Variants in ZNF846 observed in about 807,000 individuals in gnomAD.
ZNF846 encodes zinc finger protein 846.
A neutral mutation model predicts 16.0 loss-of-function variants in ZNF846; 15 were observed. The ratio of observed to expected loss-of-function variants is 0.94; its 90% CI spans 0.63 to 1.45. The LOEUF is 1.45. Ranked by LOEUF, ZNF846 falls within the 40% of genes most tolerant of loss-of-function variation. The probability of loss-of-function intolerance (pLI) is 0.00; values close to 1 mark genes in which losing one functional copy is unlikely to be tolerated. For synonymous variants in ZNF846, 229 were observed against 212.0 expected, an observed-to-expected ratio of 1.08 and a Z score of -0.70; for missense variants, 714 against 622.3, an observed-to-expected ratio of 1.15 and a Z score of -1.57.
chr19:9,760,432 G>A (rs2045206229), intron 4 of ZNF846, among the ~76,000 whole-genome samples: 1 of 151,536 alleles, frequency 6.6e-6, no homozygotes, highest in East Asian at 1.9e-4. Context: ...TGGGTGTGGT[G>A]GTTCATGCCT....
chr19:9,757,327 C>G (rs2045147070), downstream of ZNF846: 1 of 646,098 alleles, frequency 1.5e-6, no homozygotes, highest in Non-Finnish European at 2.6e-6. Flanking sequence ...CTTGCCTATT[C>G]CTTATATCAC....
upstream of ZNF846, among the ~76,000 whole-genome samples, chr19:9,773,509 C>T (rs776757441): frequency 1.6e-4 from 25 of 152,072 alleles, no homozygotes; most frequent in Non-Finnish European, 2.6e-4. Flanking sequence ...CAGCTGGGCA[C>T]GGTGGCTCAC....
chr19:9,757,840 C>T, exon 6 of ZNF846: 1 of 1,612,832 alleles, frequency 6.2e-7, no homozygotes, highest in Non-Finnish European at 8.5e-7. Context: ...TGAATCCTTA[C>T]ATGTTGACTA....
chr19:9,754,276 G>A (rs557453420), downstream of ZNF846, among the ~76,000 whole-genome samples: 10 of 151,346 alleles, frequency 6.6e-5, no homozygotes, highest in South Asian at 1.5e-3. Flanking sequence ...GATCTAAAGC[G>A]AAGGATGGCC....
At chr19:9,771,333 ATGCT>A (rs1413206018), upstream of ZNF846, among the ~76,000 whole-genome samples, 9 of 152,106 alleles carry the variant, frequency 5.9e-5, no homozygotes, top group African/African-American at 2.2e-4. Context: ...ATGCGCCACC[ATGCT>A]TGGCTAATTT....
At chr19:9,756,815 T>C (rs1184499571), downstream of ZNF846, 1 of 120,148 alleles carries the variant, frequency 8.3e-6, no homozygotes, top group East Asian at 2.0e-4. Context: ...GTGTTGATTA[T>C]GAAGTACTAT....
downstream of ZNF846, chr19:9,752,521 A>G: frequency 7.4e-6 from 2 of 269,704 alleles, no homozygotes; most frequent in South Asian, 6.7e-5. Flanking sequence ...AGGCTGAAGC[A>G]GGAGAATCAC....
At chr19:9,783,426 C>T (rs1439315137) in intron 1 of ZNF846, among the ~76,000 whole-genome samples, 3 of 147,358 alleles carry the variant, frequency 2.0e-5, no homozygotes, top group Non-Finnish European at 4.5e-5. Flanking sequence ...GACAGGGTTT[C>T]GCCATGTTGG....
downstream of ZNF846, chr19:9,757,390 C>T: frequency 9.0e-7 from 1 of 1,107,040 alleles, no homozygotes; most frequent in Non-Finnish European, 1.3e-6. Flanking sequence ...TATGGAAATT[C>T]AGTGAAGGTT....
intron 1 of ZNF846, chr19:9,774,508 C>A (rs898107751): frequency 2.7e-6 from 3 of 1,114,738 alleles, no homozygotes; most frequent in South Asian, 1.3e-5. Flanking sequence ...TGGCGGCCAG[C>A]AGGAGGCTGA....
rs773699955 is a variant in ZNF846 at position 9,757,918 on chromosome 19, TTC to T, written c.1157_1158del (p.Arg386AsnfsTer9). The T allele has an allele frequency of 2.9e-5, 46 of 1,613,556 alleles. 1 individual carries two copies. In the South Asian group the frequency reaches 3.5e-4, roughly 12 times the overall value. ...TCATAGGGCTTTTCTCCAGTATGTG[TTC>T]TCATGTGTAAAACAAGTCCTGAGGA... On this transcript the variant is annotated frameshift_variant, in exon 6 of 6. Coordinates refer to ENST00000397902, the Ensembl canonical transcript of ZNF846. LOFTEE classifies it low-confidence loss of function (END_TRUNC).
chr19:9,763,332 T>A, exon 3 of ZNF846: 1 of 1,611,226 alleles, frequency 6.2e-7, no homozygotes, highest in Non-Finnish European at 8.5e-7. Flanking sequence ...TCTGTAGAGA[T>A]CTCTCTGGGC....
exon 6 of ZNF846, chr19:9,758,282 T>C (rs1277417437): frequency 3.7e-6 from 6 of 1,613,026 alleles, no homozygotes; most frequent in Admixed American, 1.7e-5. Context: ...GTCCTGTGGA[T>C]TGAGTGAAAG....
upstream of ZNF846, among the ~76,000 whole-genome samples, chr19:9,772,933 G>A (rs970139232): frequency 2.6e-5 from 4 of 151,852 alleles, no homozygotes; most frequent in Admixed American, 6.6e-5. Context: ...AAAATTAGTC[G>A]TGTGTGATCT....
intron 2 of ZNF846, among the ~76,000 whole-genome samples, chr19:9,763,630 G>A (rs2084219394): frequency 6.6e-6 from 1 of 152,114 alleles, no homozygotes; most frequent in Non-Finnish European, 1.5e-5. Context: ...CTTTACAATG[G>A]GCTCTTCTGG....
At chr19:9,785,071 C>A (rs2045543936) in intron 1 of ZNF846, among the ~76,000 whole-genome samples, 1 of 152,166 alleles carries the variant, frequency 6.6e-6, no homozygotes, top group African/African-American at 2.4e-5. Context: ...TTCCCCCGCA[C>A]ATATACTGAC....
At chr19:9,758,031 T>G (rs1347655192) in exon 6 of ZNF846, 3 of 1,613,484 alleles carry the variant, frequency 1.9e-6, no homozygotes, top group Non-Finnish European at 2.5e-6. Context: ...GTATGAGGAA[T>G]GAATAAAAGC....
At chr19:9,770,665 T>A (rs1280139516), upstream of ZNF846, among the ~76,000 whole-genome samples, 2 of 151,696 alleles carry the variant, frequency 1.3e-5, no homozygotes, top group African/African-American at 2.4e-5. Flanking sequence ...GACAGGAGTT[T>A]AAGACCAGCC....
downstream of ZNF846, among the ~76,000 whole-genome samples, chr19:9,751,463 T>C (rs1477217774): frequency 6.6e-6 from 1 of 152,214 alleles, no homozygotes; most frequent in African/African-American, 2.4e-5. Flanking sequence ...CAAACCATTG[T>C]GACATCCCCG....
Sources: allele counts gnomAD v4.1 joint callset (sites outside exome capture counted in the v4.1 genomes callset), GRCh38; gene constraint gnomAD v4.1.1; transcripts MANE v1.5; gene names NCBI Gene and HGNC (gene_info 2026-07-23, HGNC 2026-07-21).